The following PCDHGA4 variants were observed in gnomAD, a reference collection of about 807,000 sequenced individuals.
PCDHGA4 encodes the protein protocadherin gamma subfamily A, 4.
A neutral mutation model predicts 54.6 loss-of-function variants in PCDHGA4; 38 were observed. The ratio of observed to expected loss-of-function variants is 0.70; its 90% CI spans 0.54 to 0.91. The LOEUF (loss-of-function observed/expected upper bound fraction) is 0.91. PCDHGA4 is among the 40% of genes least tolerant of loss of function. The pLI is 0.00. For synonymous variants in PCDHGA4, 511 were observed against 512.9 expected (o/e 1.00, Z 0.05); for missense variants, 1,298 against 1,220.9 (o/e 1.06, Z -0.94).
chr5:141,384,797 T>C (rs766396351), intron 1 of PCDHGA4: 13 of 1,613,368 alleles, frequency 8.1e-6, no homozygotes, highest in Non-Finnish European at 1.1e-5. Context: ...CGGGCCCTGC[T>C]GGACAGAGAT....
At position 141,485,122 on chromosome 5, in the gene PCDHGA4, G is replaced by A. The variant is rs1000179570; in HGVS notation, c.2515-9685G>A. The A allele has an allele frequency of 1.4e-6, 2 of 1,387,624 alleles. No individual in the cohort carries two copies. The highest frequency in any genetic ancestry group is 1.4e-5 in the African/African-American group (1 of 70,566). 86.0% of individuals were successfully genotyped at this position (1,387,624 alleles called of 1,614,324 possible). A position where few individuals can be genotyped will look rare whatever the true frequency, so the allele number is the denominator to read the frequency against. Reference sequence around the variant, plus strand: ...CAGCTGCTGTGGCTGTTTGGGGCGGGTCGGCTTCATCCGCGTCTCAGGAGC... The same window carrying A: ...CAGCTGCTGTGGCTGTTTGGGGCGGATCGGCTTCATCCGCGTCTCAGGAGC... On this transcript the variant is annotated intron_variant, in intron 1 of 3. Coordinates refer to ENST00000571252, the MANE Select transcript of PCDHGA4 (RefSeq NM_018917.4). The surrounding 1 kb of genome is among the most constrained non-coding windows in gnomAD (Gnocchi z 5.7).
chr5:141,469,855 G>T (rs1272105046), intron 1 of PCDHGA4, among the ~76,000 whole-genome samples: 4 of 152,186 alleles, frequency 2.6e-5, no homozygotes, highest in Non-Finnish European at 4.4e-5. Flanking sequence ...TTCAGACCGG[G>T]TGCAATGGCT....
chr5:141,489,983 G>T lies in PCDHGA4; in HGVS notation c.2515-4824G>T. ...CCAACCTTCCAATCCTCAGTTCTACGTGTGGGAATCCCAGAGAATGCACCC... is the reference window on the plus strand; with the variant it reads ...CCAACCTTCCAATCCTCAGTTCTACTTGTGGGAATCCCAGAGAATGCACCC... On this transcript the variant is annotated intron_variant, in intron 1 of 3. Coordinates refer to ENST00000571252, the MANE Select transcript of PCDHGA4 (RefSeq NM_018917.4). The surrounding 1 kb of genome is among the most constrained non-coding windows in gnomAD (Gnocchi z 4.5). The T allele has an allele frequency of 6.2e-7, 1 of 1,614,172 alleles. No homozygotes were observed. Among genetic ancestry groups the T allele is most frequent in the Non-Finnish European group, 8.5e-7 (1 of 1,179,996 alleles).
chr5:141,395,016 G>GTGCC (rs1354536790), intron 1 of PCDHGA4: 2 of 1,613,950 alleles, frequency 1.2e-6, no homozygotes, highest in Non-Finnish European at 1.7e-6. Flanking sequence ...ATTGGTAGGC[G>GTGCC]TGCCTGCCTC....
chr5:141,372,177 G>T (rs1768466663), intron 1 of PCDHGA4: 1 of 1,613,730 alleles, frequency 6.2e-7, no homozygotes, highest in African/African-American at 1.3e-5. Flanking sequence ...GGTGGCGGTG[G>T]ACGCAGACTC....
chr5:141,451,299 A>T (rs1016384424), intron 1 of PCDHGA4, among the ~76,000 whole-genome samples: 17 of 152,228 alleles, frequency 1.1e-4, no homozygotes, highest in African/African-American at 3.4e-4. Flanking sequence ...AAAGTCTTAC[A>T]AGGCAGCAAT....
chr5:141,423,782 C>T (rs1458189260), intron 1 of PCDHGA4: 9 of 1,243,226 alleles, frequency 7.2e-6, no homozygotes, highest in Non-Finnish European at 9.3e-6. Flanking sequence ...ATATTTAGTT[C>T]ATATATATTT....
chr5:141,505,072 G>A (rs1374916789), intron 2 of PCDHGA4, among the ~76,000 whole-genome samples: 1 of 152,228 alleles, frequency 6.6e-6, no homozygotes. Context: ...TGAGGCAGGA[G>A]AATCGCTTGA....
In PCDHGA4 at chr5:141,388,127, C is replaced by T. The variant is rs760517049; in HGVS notation, c.2514+30506C>T. 21 of 1,427,554 alleles carry T rather than the reference C, an allele frequency of 1.5e-5. No homozygotes were observed. The African/African-American group carries it at 2.9e-4, about 20-fold the overall frequency. The allele number at this position is 1,427,554 out of a possible 1,614,324, so 88.4% of individuals were successfully genotyped here. On this transcript the variant is annotated intron_variant, in intron 1 of 3. Coordinates refer to ENST00000571252, the MANE Select transcript of PCDHGA4 (RefSeq NM_018917.4). ...CTTACTTCACCGTGAGCGCAGAGAG[C>T]GGGGAGTTGCTTGTGAGCAGCAGGC...
intron 1 of PCDHGA4, chr5:141,428,239 G>T (rs1183885220): frequency 3.0e-6 from 3 of 997,526 alleles, no homozygotes; most frequent in Non-Finnish European, 4.6e-6. Flanking sequence ...CCTGCAGGAG[G>T]CACTGCCAGA....
chr5:141,488,634 G>A (rs937680420), intron 1 of PCDHGA4, among the ~76,000 whole-genome samples: 4 of 152,150 alleles, frequency 2.6e-5, no homozygotes, highest in Non-Finnish European at 4.4e-5. Context: ...CACCTTAGCA[G>A]CATTCAGCAG....
In PCDHGA4 at chr5:141,491,283, C is replaced by G; in HGVS notation, c.2515-3524C>G. ...AAATGCCCAAATCCAGTGACTTCCT[C>G]ATACACCCTCCTGAGCGTTCAGACC... On this transcript the variant is annotated intron_variant, in intron 1 of 3. Coordinates refer to ENST00000571252, the MANE Select transcript of PCDHGA4 (RefSeq NM_018917.4). The surrounding 1 kb of genome is among the most constrained non-coding windows in gnomAD (Gnocchi z 6.9). The G allele has an allele frequency of 1.2e-6, 2 of 1,614,164 alleles. No homozygotes were observed.
intron 2 of PCDHGA4, among the ~76,000 whole-genome samples, chr5:141,500,739 C>T (rs1199462920): frequency 6.6e-6 from 1 of 152,114 alleles, no homozygotes; most frequent in Non-Finnish European, 1.5e-5. Context: ...CAAAATTCTT[C>T]CCAAGTCATT....
intron 1 of PCDHGA4, among the ~76,000 whole-genome samples, chr5:141,453,261 A>G (rs1387512741): frequency 6.6e-6 from 1 of 152,028 alleles, no homozygotes; most frequent in Non-Finnish European, 1.5e-5. Context: ...CTGCAAGTGC[A>G]CACCACCATG....
In PCDHGA4 at chr5:141,487,574, C is replaced by T. The variant is rs753979217; in HGVS notation, c.2515-7233C>T. ...TGCACCTATGGCAGGGGAGCCTGTTCGCCCAAGCTGCCCACCCTCTGATCT... is the reference window on the plus strand; with the variant it reads ...TGCACCTATGGCAGGGGAGCCTGTTTGCCCAAGCTGCCCACCCTCTGATCT... On this transcript the variant is annotated intron_variant, in intron 1 of 3. Transcript: ENST00000571252. This position sits in a 1 kb window ranked among gnomAD's most constrained non-coding sequence, Gnocchi z 5.0. 1.2e-5 allele frequency: 20 copies of T among 1,614,040 alleles called. 1 individual carries two copies. The highest frequency in any genetic ancestry group is 8.9e-5 in the East Asian group (4 of 44,870).
intron 1 of PCDHGA4, among the ~76,000 whole-genome samples, chr5:141,457,906 T>G (rs1272656638): frequency 6.7e-6 from 1 of 150,040 alleles, no homozygotes; most frequent in Admixed American, 6.6e-5. Flanking sequence ...AGACAAGGTG[T>G]GAGGCCAGTT....
At chr5:141,411,227 G>A (rs1276536852) in intron 1 of PCDHGA4, 1 of 152,092 alleles carries the variant, frequency 6.6e-6, no homozygotes, top group Non-Finnish European at 1.5e-5. Context: ...TCAAATTTGC[G>A]AAGACTTAGT....
chr5:141,361,845 T>G, intron 1 of PCDHGA4: 1 of 1,612,744 alleles, frequency 6.2e-7, no homozygotes, highest in Non-Finnish European at 8.5e-7. Flanking sequence ...TGGGGCCTGA[T>G]GGCTCCGCCC....
intron 2 of PCDHGA4, among the ~76,000 whole-genome samples, chr5:141,503,984 C>T (rs967348519): frequency 2.0e-5 from 3 of 152,184 alleles, no homozygotes; most frequent in African/African-American, 7.2e-5. Context: ...AACCCTTCTT[C>T]TTACCTTACA....
Sources: allele counts gnomAD v4.1 joint callset (sites outside exome capture counted in the v4.1 genomes callset), GRCh38; gene constraint gnomAD v4.1.1; non-coding constraint Gnocchi (gnomAD v3.1); transcripts MANE v1.5; gene names NCBI Gene and HGNC (gene_info 2026-07-23, HGNC 2026-07-21).